Variants in DZIP3 observed in about 807,000 individuals in gnomAD.
DZIP3 encodes the protein E3 ubiquitin-protein ligase DZIP3.
DZIP3 carries 118 observed loss-of-function variants against 162.0 expected under a neutral mutation model. The observed-to-expected ratio is 0.73, with a 90% CI of 0.63 to 0.85. DZIP3 has a LOEUF of 0.85. Among genes scored for constraint, DZIP3 ranks in the 40% least tolerant of loss-of-function variants. The probability of loss-of-function intolerance (pLI) is 0.00; values close to 1 mark genes in which losing one functional copy is unlikely to be tolerated. For missense variants in DZIP3, 1,331 were observed against 1,407.0 expected, an observed-to-expected ratio of 0.95 and a Z score of 0.86; for synonymous variants, 438 against 458.6, an observed-to-expected ratio of 0.96 and a Z score of 0.57.
At chr3:108,598,525 A>G (rs1939824832) in intron 1 of DZIP3, among the ~76,000 whole-genome samples, 1 of 152,072 alleles carries the variant, frequency 6.6e-6, no homozygotes, top group Non-Finnish European at 1.5e-5. Context: ...TCTTACCTAC[A>G]CGCTTCTTAC....
chr3:108,589,543 G>A, upstream of DZIP3: 1 of 511,730 alleles, frequency 2.0e-6, no homozygotes, highest in Non-Finnish European at 3.5e-6. Flanking sequence ...CGTTCTCGGT[G>A]ACGGCCGGGG....
Position 108,653,993 on chromosome 3 carries a change from G to C in DZIP3, c.2034-152G>C, listed in dbSNP as rs879907817. 1.6e-5 allele frequency: 11 copies of C among 696,202 alleles called. No homozygotes were observed. The South Asian group carries it at 1.9e-4, about 12-fold the overall frequency. The allele number at this position is 696,202 out of a possible 1,614,324, so 43.1% of individuals were successfully genotyped here. On this transcript the variant is annotated intron_variant, in intron 18 of 32. Transcript: ENST00000361582. ...TATGAATCTTCAAAAGAAAGACTCA[G>C]TATGAGCACTATCCAAACTTCCTTT...
chr3:108,591,805 A>G (rs1234260973), intron 1 of DZIP3, among the ~76,000 whole-genome samples: 3 of 152,128 alleles, frequency 2.0e-5, no homozygotes, highest in Non-Finnish European at 4.4e-5. Context: ...GAGCCAGCCT[A>G]GGCAACATAG....
intron 8 of DZIP3, among the ~76,000 whole-genome samples, chr3:108,631,055 ACT>A (rs1270598841): frequency 1.7e-4 from 3 of 18,014 alleles, no homozygotes; most frequent in East Asian, 2.5e-3. Flanking sequence ...ACACACACAC[ACT>A]CTCTCTCTCT....
intron 14 of DZIP3, among the ~76,000 whole-genome samples, chr3:108,645,783 G>C (rs942102992): frequency 1.3e-4 from 20 of 152,108 alleles, no homozygotes; most frequent in African/African-American, 4.8e-4. Flanking sequence ...GAATACCTTT[G>C]TTTTCTTGCA....
intron 1 of DZIP3, among the ~76,000 whole-genome samples, chr3:108,597,760 G>A (rs145855179): frequency 7.2e-5 from 11 of 152,064 alleles, no homozygotes; most frequent in East Asian, 3.9e-4. Flanking sequence ...ATATTAAAAC[G>A]TTTTTTACTT....
rs1302626876 is a variant in DZIP3, at chr3:108,674,147, A to T, written c.2659A>T (p.Asn887Tyr). ...AGAGCAGACTGAAAAGGAATGTCTC[A>T]ATCAGCTTGCCAGGGTGACTCACAT... ...HLEQTEKECL[N>Y]QLARVTHMAA... Residue 887 changes from asparagine to tyrosine, a missense_variant, in exon 24 of 33, where the codon AAT (asparagine) becomes TAT (tyrosine). Asn to Tyr is a moderately radical substitution (Grantham distance 143, BLOSUM62 -2). Coordinates refer to ENST00000361582, the MANE Select transcript of DZIP3 (RefSeq NM_014648.4). The T allele has an allele frequency of 6.2e-7, 1 of 1,612,424 alleles. No homozygotes were observed. Among genetic ancestry groups the T allele is most frequent in the African/African-American group, 1.3e-5 (1 of 74,940 alleles).
chr3:108,684,096 T>C, intron 26 of DZIP3, 120 bp from the exon 27 acceptor site: 1 of 1,142,798 alleles, frequency 8.8e-7, no homozygotes, highest in African/African-American at 1.6e-5. Context: ...CTTTGTATCT[T>C]GAGTTCAAAT....
intron 32 of DZIP3, among the ~76,000 whole-genome samples, chr3:108,692,414 C>T (rs1023366319): frequency 6.6e-5 from 10 of 152,138 alleles, no homozygotes; most frequent in East Asian, 1.9e-4. Context: ...CATAAGCCCA[C>T]GGAAATGAAA....
chr3:108,593,761 G>A (rs1404523387), intron 1 of DZIP3, among the ~76,000 whole-genome samples: 3 of 147,850 alleles, frequency 2.0e-5, no homozygotes, highest in Non-Finnish European at 4.5e-5. Context: ...TTGCAGCCTT[G>A]ACCTCCCCGG....
At chr3:108,645,450 CATGCAAGT>C (rs763919824) in intron 14 of DZIP3, among the ~76,000 whole-genome samples, 1 of 152,172 alleles carries the variant, frequency 6.6e-6, no homozygotes, top group African/African-American at 2.4e-5. Flanking sequence ...AGGTAACATT[CATGCAAGT>C]GTTTGTATTG....
At chr3:108,673,844 A>C (rs2107359263) in intron 23 of DZIP3, among the ~76,000 whole-genome samples, 1 of 152,060 alleles carries the variant, frequency 6.6e-6, no homozygotes, top group Non-Finnish European at 1.5e-5. Context: ...ACAAATTTGA[A>C]AAGACATGAT....
At position 108,688,096 on chromosome 3, in the gene DZIP3, G is replaced by C; in HGVS notation, c.3270G>C (p.Gln1090His). 6.2e-7 allele frequency: 1 copy of C among 1,612,742 alleles called. No individual in the cohort carries two copies. The highest frequency in any genetic ancestry group is 8.5e-7 in the Non-Finnish European group (1 of 1,179,264). ...ISQFIDPKKS[Q>H]SQGKSVSNVN... ...AGTTTATTGACCCCAAAAAGTCTCA[G>C]GTAAAATGCAAAAACAACCAAAAAA... Residue 1090 changes from glutamine (Q) to histidine (H), a missense_variant and splice_region_variant, in exon 29 of 33, where the codon CAG becomes CAC. Transcript: ENST00000361582.
At position 108,661,774 on chromosome 3, in the gene DZIP3, C is replaced by CA. The variant is rs1943447156; in HGVS notation, c.2200-97dup. 1.2e-5 allele frequency: 10 copies of CA among 819,366 alleles called. No individual in the cohort carries two copies. The South Asian group carries it at 1.4e-4, about 11-fold the overall frequency. The allele number at this position is 819,366 out of a possible 1,614,324, so 50.8% of individuals were successfully genotyped here. ...TCTAAATTGAGTGTTTGACTTGAGA[C>CA]AAAAAACGTGAAAGGAGTTAGATGG... On this transcript the variant is annotated intron_variant, in intron 19 of 32. Coordinates refer to ENST00000361582, the MANE Select transcript of DZIP3 (RefSeq NM_014648.4).
rs1943467337 is a variant in DZIP3 at position 108,662,128 on chromosome 3, A to G, written c.2296-2A>G. ...TCTGAAATAATATTTTTTATTGATC[A>G]GGATTTCAAAAGACAGTTGAGAACA... On this transcript the variant is annotated splice_acceptor_variant, in intron 20 of 32. Transcript: ENST00000361582. LOFTEE classifies it high-confidence loss of function. The G allele has an allele frequency of 1.9e-6, 3 of 1,586,748 alleles. No individual in the cohort carries two copies. Among genetic ancestry groups the G allele is most frequent in the East Asian group, 4.5e-5 (2 of 44,698 alleles).
intron 21 of DZIP3, among the ~76,000 whole-genome samples, chr3:108,667,537 G>C (rs1487628903): frequency 1.3e-5 from 2 of 152,018 alleles, no homozygotes; most frequent in African/African-American, 4.8e-5. Context: ...CAAAATGAAG[G>C]ATCCCTGTGG....
At chr3:108,638,739 T>G (rs1942265304) in intron 12 of DZIP3, among the ~76,000 whole-genome samples, 1 of 152,000 alleles carries the variant, frequency 6.6e-6, no homozygotes, top group African/African-American at 2.4e-5. Flanking sequence ...AAAACTGTCT[T>G]TAGCCTTTAC....
At chr3:108,681,190 A>C (rs758974289) in intron 26 of DZIP3, among the ~76,000 whole-genome samples, 7 of 152,204 alleles carry the variant, frequency 4.6e-5, no homozygotes, top group African/African-American at 7.2e-5. Flanking sequence ...TCCGTCTGAC[A>C]AAGGGCTTAT....
At chr3:108,594,440 C>G (rs1029094853) in intron 1 of DZIP3, among the ~76,000 whole-genome samples, 1 of 131,502 alleles carries the variant, frequency 7.6e-6, no homozygotes, top group African/African-American at 2.8e-5. Context: ...CTGCTCCCCC[C>G]CCATATATAT....
Sources: allele counts gnomAD v4.1 joint callset (sites outside exome capture counted in the v4.1 genomes callset), GRCh38; gene constraint gnomAD v4.1.1; transcripts MANE v1.5; gene names NCBI Gene and HGNC (gene_info 2026-07-23, HGNC 2026-07-21).